SLC16A7: variants seen among roughly 807,000 people sequenced by gnomAD.
SLC16A7 encodes monocarboxylate transporter 2.
SLC16A7 carries 33 observed loss-of-function variants against 34.9 expected under a neutral mutation model. The observed-to-expected ratio is 0.94, with a 90% CI of 0.72 to 1.26. The LOEUF (loss-of-function observed/expected upper bound fraction) is 1.26. SLC16A7 is among the 50% of genes most tolerant of loss of function. The probability of loss-of-function intolerance (pLI) is 0.00; values close to 1 mark genes in which losing one functional copy is unlikely to be tolerated. For missense variants in SLC16A7, 573 were observed against 578.1 expected, an observed-to-expected ratio of 0.99 and a Z score of 0.09; for synonymous variants, 201 against 206.6, an observed-to-expected ratio of 0.97 and a Z score of 0.23.
At chr12:59,768,930 C>G (rs925557601) in intron 3 of SLC16A7, 3 of 152,132 alleles carry the variant, frequency 2.0e-5, no homozygotes, top group African/African-American at 7.3e-5. Context: ...TCTAGGGGGT[C>G]AAGGCTTCAG....
chr12:59,634,977 A>G (rs887542026), intron 1 of SLC16A7, among the ~76,000 whole-genome samples: 2 of 152,064 alleles, frequency 1.3e-5, no homozygotes, highest in African/African-American at 4.8e-5. Context: ...GATGCACTTG[A>G]GAATGCAACT....
intron 4 of SLC16A7, 49 bp from the exon 5 acceptor site, chr12:59,774,607 GT>G (rs746289198): frequency 8.7e-7 from 1 of 1,155,424 alleles, no homozygotes; most frequent in South Asian, 1.6e-5. Context: ...TCTTTTGTGA[GT>G]GCCATAATGT....
chr12:59,765,740 G>T (rs1443881756), intron 3 of SLC16A7, among the ~76,000 whole-genome samples: 2 of 152,158 alleles, frequency 1.3e-5, no homozygotes, highest in African/African-American at 4.8e-5. Context: ...CTGTAGCCTT[G>T]TAGTATAGTT....
intron 5 of SLC16A7, 76 bp from the exon 6 acceptor site, chr12:59,779,347 G>A: frequency 1.8e-6 from 2 of 1,129,444 alleles, no homozygotes; most frequent in Non-Finnish European, 2.5e-6. Flanking sequence ...ATACTTTGAA[G>A]AATAATTTAT....
chr12:59,618,086 C>T (rs1172331332), intron 1 of SLC16A7, among the ~76,000 whole-genome samples: 1 of 151,716 alleles, frequency 6.6e-6, no homozygotes, highest in Non-Finnish European at 1.5e-5. Flanking sequence ...GATTATATTG[C>T]AGGAATAGTG....
chr12:59,609,814 T>C (rs1446279997), intron 1 of SLC16A7, among the ~76,000 whole-genome samples: 2 of 152,214 alleles, frequency 1.3e-5, no homozygotes, highest in Non-Finnish European at 2.9e-5. Context: ...TATATGATTT[T>C]TTGGTACTCT....
At chr12:59,694,700 A>T (rs889292990) in intron 2 of SLC16A7, among the ~76,000 whole-genome samples, 1 of 152,000 alleles carries the variant, frequency 6.6e-6, no homozygotes, top group African/African-American at 2.4e-5. Flanking sequence ...AGTCACCTGG[A>T]AACAACTATA....
At chr12:59,695,374 G>T (rs1872161783) in intron 2 of SLC16A7, among the ~76,000 whole-genome samples, 1 of 151,850 alleles carries the variant, frequency 6.6e-6, no homozygotes, top group South Asian at 2.1e-4. Context: ...GCCACCGATG[G>T]GTCCGAAGCC....
intron 5 of SLC16A7, among the ~76,000 whole-genome samples, chr12:59,777,164 T>A (rs188916868): frequency 6.6e-6 from 1 of 152,338 alleles, no homozygotes; most frequent in East Asian, 1.9e-4. Flanking sequence ...TATTTTTGAA[T>A]GCTTATTGTG....
At chr12:59,661,719 A>G (rs1693612) in intron 2 of SLC16A7, among the ~76,000 whole-genome samples, 32,166 of 152,020 alleles carry the variant, frequency 0.21, 4,078 homozygotes, top group East Asian at 0.67. Flanking sequence ...GAATACTTGC[A>G]TATTTGTGGT....
At chr12:59,659,947 A>G (rs906624917) in intron 2 of SLC16A7, among the ~76,000 whole-genome samples, 3 of 152,092 alleles carry the variant, frequency 2.0e-5, no homozygotes, top group African/African-American at 7.2e-5. Flanking sequence ...TATAGTTGAG[A>G]AGCCTGGGGG....
chr12:59,662,580 G>A (rs745513697), intron 2 of SLC16A7, among the ~76,000 whole-genome samples: 24 of 152,052 alleles, frequency 1.6e-4, no homozygotes, highest in Non-Finnish European at 2.5e-4. Flanking sequence ...GGTCTGTTTT[G>A]CATTTGGCTT....
At chr12:59,679,567 G>A (rs142715910) in intron 2 of SLC16A7, among the ~76,000 whole-genome samples, 1 of 152,082 alleles carries the variant, frequency 6.6e-6, no homozygotes, top group East Asian at 1.9e-4. Flanking sequence ...TCTCCTCTTA[G>A]CCCCTTAGAA....
At chr12:59,775,574 C>T in intron 5 of SLC16A7, 99 bp downstream of exon 5, 1 of 831,166 alleles carries the variant, frequency 1.2e-6, no homozygotes, top group Non-Finnish European at 1.9e-6. Context: ...TATAATAATA[C>T]TAATAGCCTG....
chr12:59,732,063 AT>A (rs1877012914), intron 3 of SLC16A7, among the ~76,000 whole-genome samples: 1 of 148,972 alleles, frequency 6.7e-6, no homozygotes, highest in Non-Finnish European at 1.5e-5. Context: ...ATGCATATAT[AT>A]TATATATATA....
At chr12:59,606,818 T>G (rs150582205) in intron 1 of SLC16A7, among the ~76,000 whole-genome samples, 1 of 152,006 alleles carries the variant, frequency 6.6e-6, no homozygotes, top group South Asian at 2.1e-4. Context: ...TTTAGAGATA[T>G]TGTGTGTGTG....
At position 59,709,103 on chromosome 12, in the gene SLC16A7, A is replaced by G. The variant is rs552053153; in HGVS notation, c.217+4085A>G. On this transcript the variant is annotated intron_variant, in intron 3 of 5. Transcript: ENST00000547379. ...TTACATAGGATTATCTTTTAGTGCA[A>G]TATTTGTTTTTGTATTCTATTGAAT... Among the ~76,000 whole-genome samples, 77 of 151,720 alleles carry G rather than the reference A, an allele frequency of 5.1e-4. 7 individuals carry two copies. Among genetic ancestry groups the G allele is most frequent in the African/African-American group, 1.7e-3 (69 of 41,062 alleles).
chr12:59,634,730 G>A (rs1880339038), intron 1 of SLC16A7, among the ~76,000 whole-genome samples: 1 of 152,054 alleles, frequency 6.6e-6, no homozygotes, highest in African/African-American at 2.4e-5. Flanking sequence ...GATGGGCCTT[G>A]AAGAAGGCTT....
chr12:59,679,579 T>C (rs1180028814), intron 2 of SLC16A7, among the ~76,000 whole-genome samples: 1 of 152,218 alleles, frequency 6.6e-6, no homozygotes, highest in Non-Finnish European at 1.5e-5. Flanking sequence ...CCCTTAGAAA[T>C]CTGAACTTAC....
Sources: gnomAD v4.1 joint callset for allele counts (sites outside exome capture counted in the v4.1 genomes callset) on GRCh38, gnomAD v4.1.1 for gene constraint, MANE v1.5 for transcripts, NCBI Gene and HGNC (gene_info 2026-07-23, HGNC 2026-07-21) for gene names.